Variants in SPATA19 observed in about 807,000 individuals in gnomAD.
SPATA19 encodes spermatogenesis associated 19.
Under a neutral mutation model 25.0 loss-of-function variants are expected in SPATA19, and 19 were observed. That is an observed-to-expected ratio of 0.76 (90% CI 0.53 to 1.11). The LOEUF (loss-of-function observed/expected upper bound fraction) is 1.11, where lower values mean the gene tolerates loss of function less well. Among genes scored for constraint, SPATA19 ranks in the 50% most tolerant of loss-of-function variants. The pLI, the probability that SPATA19 is intolerant of heterozygous loss-of-function variation, is 0.00. For synonymous variants in SPATA19, 64 were observed against 69.3 expected (o/e 0.92, Z 0.38); for missense variants, 222 against 211.4 (o/e 1.05, Z -0.31).
chr11:133,844,830 C>T (rs1012922330), intron 2 of SPATA19, among the ~76,000 whole-genome samples, 190 bp from the exon 3 acceptor site: 1 of 152,154 alleles, frequency 6.6e-6, no homozygotes, highest in Non-Finnish European at 1.5e-5. Flanking sequence ...TCCCTAAGTC[C>T]CTGGCCCTAT....
intron 4 of SPATA19, among the ~76,000 whole-genome samples, chr11:133,842,874 TCA>T (rs1315054666): frequency 6.6e-6 from 1 of 152,036 alleles, no homozygotes; most frequent in Non-Finnish European, 1.5e-5. Context: ...CCTTCTGAAT[TCA>T]GTCTTCTGAA....
At chr11:133,839,258 A>G (rs1938261341), downstream of SPATA19, among the ~76,000 whole-genome samples, 1 of 152,220 alleles carries the variant, frequency 6.6e-6, no homozygotes, top group African/African-American at 2.4e-5. Flanking sequence ...ACTATTCACA[A>G]TAGCAAAGAC....
downstream of SPATA19, among the ~76,000 whole-genome samples, chr11:133,836,369 G>T (rs548795119): frequency 2.8e-4 from 42 of 152,288 alleles, no homozygotes; most frequent in African/African-American, 9.9e-4. Context: ...AGGTGTCCTG[G>T]CCCCTAGGAA....
At chr11:133,844,145 AGAC>A in intron 4 of SPATA19, 98 bp downstream of exon 4, 3 of 971,560 alleles carry the variant, frequency 3.1e-6, no homozygotes, top group Non-Finnish European at 4.9e-6. Context: ...TGTCAGCCAA[AGAC>A]GACATCTCTA....
chr11:133,837,672 G>A (rs550591787), downstream of SPATA19, among the ~76,000 whole-genome samples: 5 of 152,286 alleles, frequency 3.3e-5, no homozygotes, highest in African/African-American at 1.2e-4. Flanking sequence ...GGTCAATGAG[G>A]GGGGAAGCTG....
rs1458718777 is a variant in SPATA19 at position 133,845,121 on chromosome 11, A to T, written c.135+13T>A. ...ATTTTGGATATCCTGAGTCATAAAG[A>T]AATCTTACTCACTTTTTTCAACCAA... On this transcript the variant is annotated intron_variant, in intron 2 of 6. Coordinates refer to ENST00000299140, the MANE Select transcript of SPATA19 (RefSeq NM_174927.3). 1 of 1,612,026 alleles carries T rather than the reference A, an allele frequency of 6.2e-7. No individual in the cohort carries two copies. Among genetic ancestry groups the T allele is most frequent in the South Asian group, 1.1e-5 (1 of 90,838 alleles).
At chr11:133,841,960 G>T (rs1938318189) in intron 6 of SPATA19, 70 bp downstream of exon 6, 1 of 1,414,538 alleles carries the variant, frequency 7.1e-7, no homozygotes, top group African/African-American at 1.4e-5. Flanking sequence ...GTTCCCAGCT[G>T]CAGTGCCCCT....
downstream of SPATA19, among the ~76,000 whole-genome samples, chr11:133,836,536 AT>A (rs1426817249): frequency 6.6e-6 from 1 of 152,196 alleles, no homozygotes; most frequent in Non-Finnish European, 1.5e-5. Flanking sequence ...GACCATTTGG[AT>A]TCAAACTCTG....
chr11:133,843,668 C>CAT (rs1938358811), intron 4 of SPATA19, among the ~76,000 whole-genome samples: 1 of 152,170 alleles, frequency 6.6e-6, no homozygotes, highest in Admixed American at 6.5e-5. Flanking sequence ...TCCAGAGACC[C>CAT]CCAGTGAACA....
Position 133,845,510 on chromosome 11 carries a change from C to G in SPATA19, c.-64G>C. 6.4e-7 allele frequency: 1 copy of G among 1,557,920 alleles called. No homozygotes were observed. The highest frequency in any genetic ancestry group is 2.2e-5 in the East Asian group (1 of 44,452). On this transcript the variant is annotated 5_prime_UTR_variant, in exon 1 of 7. Coordinates refer to ENST00000299140, the MANE Select transcript of SPATA19 (RefSeq NM_174927.3). ...TTCCATTGAAGCTGCCTGAGAACTC[C>G]TATGGGACAGGAAGGTCATTGAAGG... is the stretch of plus-strand genomic sequence containing the variant.
At chr11:133,842,705 T>C in intron 4 of SPATA19, 143 bp from the exon 5 acceptor site, 1 of 693,182 alleles carries the variant, frequency 1.4e-6, no homozygotes, top group Non-Finnish European at 2.6e-6. Flanking sequence ...TCCCCCTTCT[T>C]GACTCATGAG....
downstream of SPATA19, among the ~76,000 whole-genome samples, chr11:133,839,055 A>G (rs1938256082): frequency 6.6e-6 from 1 of 152,216 alleles, no homozygotes; most frequent in African/African-American, 2.4e-5. Context: ...GGATGTGGAG[A>G]AATAGGAACA....
At chr11:133,841,932 G>A in intron 6 of SPATA19, 98 bp downstream of exon 6, 1 of 1,195,670 alleles carries the variant, frequency 8.4e-7, no homozygotes, top group Non-Finnish European at 1.2e-6. Flanking sequence ...GTAGGGAAAA[G>A]CTAAGCCTCT....
downstream of SPATA19, among the ~76,000 whole-genome samples, chr11:133,837,115 G>T (rs1177056408): frequency 6.6e-6 from 1 of 152,138 alleles, no homozygotes; most frequent in Non-Finnish European, 1.5e-5. Flanking sequence ...AGACTTCCGG[G>T]TTCTAGTTTG....
At chr11:133,844,210 C>T in intron 4 of SPATA19, 36 bp downstream of exon 4, 1 of 1,564,898 alleles carries the variant, frequency 6.4e-7, no homozygotes, top group Non-Finnish European at 8.8e-7. Flanking sequence ...ATCTCTCCCT[C>T]CCCTTCCTTC....
At chr11:133,842,005 G>A (rs769687592) in intron 6 of SPATA19, 25 bp downstream of exon 6, 1 of 1,605,684 alleles carries the variant, frequency 6.2e-7, no homozygotes, top group African/African-American at 1.3e-5. Flanking sequence ...TCTCTGCCCA[G>A]TTCCTCATCC....
rs779926857 is a variant in SPATA19 at position 133,842,488 on chromosome 11, C to G, written c.434G>C (p.Arg145Pro). ...CAAGCAGTTCCAAACAGCTTACCTT[C>G]GTCTCACCTGCTCTATTCGATCTCG... ...IMRDRIEQVRRSISRLTDVSA... is the reference protein window; with the variant it reads ...IMRDRIEQVRPSISRLTDVSA... The change falls in exon 5 of 7, where the codon CGA becomes CCA. Residue 145 changes from arginine to proline, a missense_variant. Coordinates refer to ENST00000299140, the MANE Select transcript of SPATA19 (RefSeq NM_174927.3). 1 of 1,613,466 alleles carries G rather than the reference C, an allele frequency of 6.2e-7. No homozygotes were observed. Among genetic ancestry groups the G allele is most frequent in the East Asian group, 2.2e-5 (1 of 44,878 alleles).
At chr11:133,838,317 A>T (rs1303333847), downstream of SPATA19, among the ~76,000 whole-genome samples, 1 of 152,226 alleles carries the variant, frequency 6.6e-6, no homozygotes. Context: ...GTAATCAAAA[A>T]CACTATATAG....
chr11:133,843,653 T>A (rs1329713554), intron 4 of SPATA19, among the ~76,000 whole-genome samples: 1 of 152,166 alleles, frequency 6.6e-6, no homozygotes, highest in Non-Finnish European at 1.5e-5. Context: ...GGGTGGCTGA[T>A]GTGCTCCAGA....
Sources: gnomAD v4.1 joint callset for allele counts (sites outside exome capture counted in the v4.1 genomes callset) on GRCh38, gnomAD v4.1.1 for gene constraint, MANE v1.5 for transcripts, NCBI Gene and HGNC (gene_info 2026-07-23, HGNC 2026-07-21) for gene names.